ACOT7: variants seen among roughly 807,000 people sequenced by gnomAD.
ACOT7 encodes the protein cytosolic acyl coenzyme A thioester hydrolase.
Under a neutral mutation model 40.2 loss-of-function variants are expected in ACOT7, and 12 were observed. The ratio of observed to expected loss-of-function variants is 0.30; its 90% CI spans 0.19 to 0.48. The LOEUF is 0.48. ACOT7 is among the 20% of genes least tolerant of loss of function. ACOT7 has a pLI of 0.99. For missense variants in ACOT7, 395 were observed against 530.8 expected, an observed-to-expected ratio of 0.74 and a Z score of 2.51; for synonymous variants, 228 against 219.5, an observed-to-expected ratio of 1.04 and a Z score of -0.34.
intron 8 of ACOT7, among the ~76,000 whole-genome samples, chr1:6,272,190 G>C (rs1324885510): frequency 6.6e-6 from 1 of 152,282 alleles, no homozygotes; most frequent in Non-Finnish European, 1.5e-5. Flanking sequence ...TCCTGCTGGA[G>C]GCCAGCACCA....
At chr1:6,296,670 AC>A (rs921632899) in intron 6 of ACOT7, among the ~76,000 whole-genome samples, 8 of 152,114 alleles carry the variant, frequency 5.3e-5, no homozygotes, top group African/African-American at 1.9e-4. Flanking sequence ...TGATCCGCCC[AC>A]TTCAGCCTCC....
rs1407547526 is a variant in ACOT7 at position 6,358,844 on chromosome 1, A to G, written c.144-8978T>C. On this transcript the variant is annotated intron_variant, in intron 1 of 8. Transcript: ENST00000361521. The surrounding 1 kb of genome is among the most constrained non-coding windows in gnomAD (Gnocchi z 4.1). ...GCAGTACCTGCTCAGCTGGAAAGCC[A>G]TGGTGGCTAGGACATCCCAGGATCA... The G allele has an allele frequency of 1.2e-6, 2 of 1,613,994 alleles. No individual in the cohort carries two copies. Among genetic ancestry groups the G allele is most frequent in the African/African-American group, 1.3e-5 (1 of 75,062 alleles).
intron 2 of ACOT7, among the ~76,000 whole-genome samples, chr1:6,340,094 T>C (rs1445569795): frequency 6.6e-6 from 1 of 151,750 alleles, no homozygotes; most frequent in East Asian, 1.9e-4. Context: ...GCCTCCCGAG[T>C]AGCTGGGACT....
chr1:6,287,051 G>A (rs1571271710), intron 7 of ACOT7, among the ~76,000 whole-genome samples: 1 of 152,266 alleles, frequency 6.6e-6, no homozygotes, highest in East Asian at 1.9e-4. Flanking sequence ...CTCCCAAAGT[G>A]CTGGGATAAC....
intron 8 of ACOT7, among the ~76,000 whole-genome samples, chr1:6,270,212 G>GCC (rs955762388): frequency 3.9e-5 from 6 of 152,256 alleles, no homozygotes; most frequent in African/African-American, 1.2e-4. Context: ...CCCACCCACG[G>GCC]CCCGGCTGCT....
intron 1 of ACOT7, among the ~76,000 whole-genome samples, chr1:6,356,189 G>A (rs1377328211): frequency 2.0e-5 from 3 of 152,194 alleles, no homozygotes; most frequent in East Asian, 3.8e-4. Context: ...AGGTCCAGGT[G>A]AAGATGAAGG....
intron 1 of ACOT7, among the ~76,000 whole-genome samples, chr1:6,362,992 A>G (rs2148467707): frequency 6.6e-6 from 1 of 152,320 alleles, no homozygotes; most frequent in Non-Finnish European, 1.5e-5. Context: ...CCAGTATAAT[A>G]AAATATATAA....
At chr1:6,269,736 G>C (rs901467291) in intron 8 of ACOT7, among the ~76,000 whole-genome samples, 1 of 152,268 alleles carries the variant, frequency 6.6e-6, no homozygotes, top group Non-Finnish European at 1.5e-5. Flanking sequence ...TGGATGTGTG[G>C]GAGCCTGAGA....
chr1:6,269,050 G>A (rs916020035), intron 8 of ACOT7, among the ~76,000 whole-genome samples: 4 of 152,186 alleles, frequency 2.6e-5, no homozygotes, highest in Non-Finnish European at 5.9e-5. Flanking sequence ...CTTAGGGCGC[G>A]GCAGGCTGTG....
In ACOT7 at chr1:6,264,363, C is replaced by T. The variant is rs1225628369; in HGVS notation, c.*234G>A. 7.8e-6 allele frequency: 4 copies of T among 514,118 alleles called. No individual in the cohort carries two copies. The highest frequency in any genetic ancestry group is 2.0e-5 in the African/African-American group (1 of 50,534). The allele number at this position is 514,118 out of a possible 1,614,324, so 31.8% of individuals were successfully genotyped here. On this transcript the variant is annotated 3_prime_UTR_variant, in exon 9 of 9. Coordinates refer to ENST00000361521, the MANE Select transcript of ACOT7 (RefSeq NM_007274.4). Reference sequence around the variant, plus strand: ...CATTCCCGAGGGTTTCTGCCCAACGCCTCCCGGCGCTCGGGACAACACTGT... The same window carrying T: ...CATTCCCGAGGGTTTCTGCCCAACGTCTCCCGGCGCTCGGGACAACACTGT...
chr1:6,354,315 T>A (rs1338807036), intron 1 of ACOT7, among the ~76,000 whole-genome samples: 1 of 152,058 alleles, frequency 6.6e-6, no homozygotes, highest in Non-Finnish European at 1.5e-5. Flanking sequence ...GGCCAAGTCC[T>A]GAAGGGTGAG....
chr1:6,293,788 T>C (rs577101152), intron 7 of ACOT7, among the ~76,000 whole-genome samples: 2 of 152,344 alleles, frequency 1.3e-5, no homozygotes, highest in African/African-American at 4.8e-5. Flanking sequence ...AAATCCAGCA[T>C]GTGTGAGCCT....
In ACOT7 at chr1:6,289,067, C is replaced by T. The variant is rs1639592304; in HGVS notation, c.829+5797G>A. 6.6e-6 allele frequency among the ~76,000 whole-genome samples: 1 copy of T among 152,208 alleles called. No homozygotes were observed. Among genetic ancestry groups the T allele is most frequent in the African/African-American group, 2.4e-5 (1 of 41,450 alleles). ...AGAAGCCACCCCACAGGTCTGGCGT[C>T]TCCATTCCGCATTCCCACTGTTTTC... On this transcript the variant is annotated intron_variant, in intron 7 of 8. Coordinates refer to ENST00000361521, the MANE Select transcript of ACOT7 (RefSeq NM_007274.4). This position sits in a 1 kb window ranked among gnomAD's most constrained non-coding sequence, Gnocchi z 4.6.
Position 6,311,088 on chromosome 1 carries a change from G to C in ACOT7, c.712+7404C>G, listed in dbSNP as rs1287595038. ...AAGATGGTTTCTAAGGCTCAGATGAGTTTAGGAAACTCTATTGTGGCCCCT... is the reference window on the plus strand; with the variant it reads ...AAGATGGTTTCTAAGGCTCAGATGACTTTAGGAAACTCTATTGTGGCCCCT... On this transcript the variant is annotated intron_variant, in intron 6 of 8. Transcript: ENST00000361521. This position sits in a 1 kb window ranked among gnomAD's most constrained non-coding sequence, Gnocchi z 5.2. Among the ~76,000 whole-genome samples, 1 of 152,188 alleles carries C rather than the reference G, an allele frequency of 6.6e-6. No homozygotes were observed. The highest frequency in any genetic ancestry group is 1.5e-5 in the Non-Finnish European group (1 of 68,040).
intron 5 of ACOT7, among the ~76,000 whole-genome samples, chr1:6,320,922 A>G (rs921102435): frequency 6.6e-6 from 1 of 152,236 alleles, no homozygotes; most frequent in African/African-American, 2.4e-5. Flanking sequence ...CAATGAACTA[A>G]GAAGATGAGT....
At position 6,358,973 on chromosome 1, in the gene ACOT7, C is replaced by T; in HGVS notation, c.144-9107G>A. On this transcript the variant is annotated intron_variant, in intron 1 of 8. Transcript: ENST00000361521. The surrounding 1 kb of genome is among the most constrained non-coding windows in gnomAD (Gnocchi z 4.1). Reference sequence around the variant, plus strand: ...ACCGGGCTTGGTGGGGAGCACCCCCCACCCCCAGCTTCCTGAGCTGCCCAA... The same window carrying T: ...ACCGGGCTTGGTGGGGAGCACCCCCTACCCCCAGCTTCCTGAGCTGCCCAA... The T allele has an allele frequency of 6.8e-6, 10 of 1,464,498 alleles. No individual in the cohort carries two copies. The highest frequency in any genetic ancestry group is 9.1e-6 in the Non-Finnish European group (10 of 1,095,154). 90.7% of individuals were successfully genotyped at this position (1,464,498 alleles called of 1,614,324 possible). A position where few individuals can be genotyped will look rare whatever the true frequency, so the allele number is the denominator to read the frequency against.
intron 7 of ACOT7, 91 bp from the exon 8 acceptor site, chr1:6,281,377 T>C (rs906694367): frequency 4.3e-6 from 5 of 1,163,406 alleles, no homozygotes; most frequent in Non-Finnish European, 6.4e-6. Flanking sequence ...AGGCAGACAC[T>C]TGGTTAGGGG....
chr1:6,264,287 G>A lies in ACOT7; in HGVS notation c.*310C>T, dbSNP rs1021602852. 3.1e-5 allele frequency: 10 copies of A among 324,328 alleles called. No homozygotes were observed. Among genetic ancestry groups the A allele is most frequent in the Admixed American group, 5.0e-5 (1 of 19,836 alleles). The allele number at this position is 324,328 out of a possible 1,614,324, so 20.1% of individuals were successfully genotyped here. On this transcript the variant is annotated 3_prime_UTR_variant, in exon 9 of 9. Coordinates refer to ENST00000361521, the MANE Select transcript of ACOT7 (RefSeq NM_007274.4). ...GACACGTGGGTCCAGCCAAGCAGCA[G>A]CTTTATTAGTGGTGCTGGGTTCTTC...
Position 6,306,898 on chromosome 1 carries a change from A to G in ACOT7, c.712+11594T>C, listed in dbSNP as rs1202119838. On this transcript the variant is annotated intron_variant, in intron 6 of 8. Transcript: ENST00000361521. The surrounding 1 kb of genome is among the most constrained non-coding windows in gnomAD (Gnocchi z 4.3). ...TCAACTCCTCCTGCAGGTGCAAAAG[A>G]TTGTTTTTTCACAACTGCCCCAAGA... The G allele has an allele frequency of 2.1e-5, 27 of 1,288,846 alleles. No individual in the cohort carries two copies. The highest frequency in any genetic ancestry group is 2.7e-5 in the Non-Finnish European group (27 of 988,644). The allele number at this position is 1,288,846 out of a possible 1,614,324, so 79.8% of individuals were successfully genotyped here. A position where few individuals can be genotyped will look rare whatever the true frequency, so the allele number is the denominator to read the frequency against.
Sources: allele counts gnomAD v4.1 joint callset (sites outside exome capture counted in the v4.1 genomes callset), GRCh38; gene constraint gnomAD v4.1.1; non-coding constraint Gnocchi (gnomAD v3.1); transcripts MANE v1.5; gene names NCBI Gene and HGNC (gene_info 2026-07-23, HGNC 2026-07-21).